OVGP1: variants seen among roughly 807,000 people sequenced by gnomAD.
OVGP1 encodes oviductal glycoprotein 1.
Under a neutral mutation model 48.2 loss-of-function variants are expected in OVGP1, and 26 were observed. The observed-to-expected ratio is 0.54, with a 90% CI of 0.40 to 0.75. The LOEUF (loss-of-function observed/expected upper bound fraction) is 0.75. OVGP1 is among the 30% of genes least tolerant of loss of function. The pLI is 0.00. For synonymous variants in OVGP1, 294 were observed against 305.7 expected, an observed-to-expected ratio of 0.96 and a Z score of 0.40; for missense variants, 791 against 820.6, an observed-to-expected ratio of 0.96 and a Z score of 0.44.
intron 8 of OVGP1, among the ~76,000 whole-genome samples, chr1:111,420,930 AT>A (rs1436785340): frequency 1.3e-5 from 2 of 152,098 alleles, no homozygotes; most frequent in African/African-American, 4.8e-5. Context: ...TATTCTTTTA[AT>A]TTTGCATATG....
At position 111,414,520 on chromosome 1, in the gene OVGP1, G is replaced by A. The variant is rs1240604332; in HGVS notation, c.1981C>T (p.Pro661Ser). The part of the protein sequence containing the change: ...SVNSVTPQTS[P>S]LSLKKEIPEN... ...GGGATTTCTTTTTTTAGAGAAAGAGGACTTGTTTGAGGGGTTACTGAGTTG... is the reference window on the plus strand; with the variant it reads ...GGGATTTCTTTTTTTAGAGAAAGAGAACTTGTTTGAGGGGTTACTGAGTTG... The change falls in exon 11 of 11, where the codon CCT becomes TCT. Residue 661 changes from proline to serine, a missense_variant. By Grantham distance (74) the Pro-to-Ser change is moderately conservative. Coordinates refer to ENST00000369732, the MANE Select transcript of OVGP1 (RefSeq NM_002557.4). 3.1e-6 allele frequency: 5 copies of A among 1,613,948 alleles called. No homozygotes were observed. Among genetic ancestry groups the A allele is most frequent in the Non-Finnish European group, 4.2e-6 (5 of 1,179,948 alleles).
chr1:111,427,341 T>C (rs780302604), intron 1 of OVGP1: 1 of 985,288 alleles, frequency 1.0e-6, no homozygotes, highest in African/African-American at 1.7e-5. Context: ...CCAGGGACAA[T>C]GACAAGTGTT....
At position 111,421,576 on chromosome 1, in the gene OVGP1, G is replaced by A. The variant is rs1421843738; in HGVS notation, c.706C>T (p.Pro236Ser). The change falls in exon 7 of 11, where the codon CCC (proline) becomes TCC (serine). Residue 236 changes from proline to serine, a missense_variant. Coordinates refer to ENST00000369732, the MANE Select transcript of OVGP1 (RefSeq NM_002557.4). ...TTTCCTTTCCTTACCGAAGATTTGG[G>A]GTCTTCAGGCAGAGAGAAGAGGGGG... is the stretch of plus-strand genomic sequence containing the variant. The part of the protein sequence containing the change: ...NSPLFSLPED[P>S]KSSAYAMNYW... 7 of 1,611,584 alleles carry A rather than the reference G, an allele frequency of 4.3e-6. No individual in the cohort carries two copies. The African/African-American group carries it at 5.3e-5, about 12-fold the overall frequency.
Position 111,415,242 on chromosome 1 carries a change from T to A in OVGP1, c.1259A>T (p.Asp420Val), listed in dbSNP as rs753391425. Reference sequence around the variant, plus strand: ...TCCTCCTGGGGGCAAAATCTTACTATCAGTGGTCCATGCCGTGGTCACAGC... The same window carrying A: ...TCCTCCTGGGGGCAAAATCTTACTAACAGTGGTCCATGCCGTGGTCACAGC... ...RLAVTTAWTTDSKILPPGGEA... is the reference protein window; with the variant it reads ...RLAVTTAWTTVSKILPPGGEA... Residue 420 changes from aspartate to valine, a missense_variant, in exon 11 of 11, where the codon GAT (aspartate) becomes GTT (valine). Physicochemically the swap from Asp to Val is radical, Grantham distance 152 (BLOSUM62 -3). Transcript: ENST00000369732. 9.3e-6 allele frequency: 15 copies of A among 1,614,096 alleles called. No individual in the cohort carries two copies. Among genetic ancestry groups the A allele is most frequent in the Non-Finnish European group, 7.6e-6 (9 of 1,180,044 alleles).
chr1:111,426,379 T>C, intron 3 of OVGP1, 58 bp downstream of exon 3: 1 of 1,610,916 alleles, frequency 6.2e-7, no homozygotes, highest in Non-Finnish European at 8.5e-7. Flanking sequence ...AGAAATAGAC[T>C]GTTATCTTAT....
At position 111,416,620 on chromosome 1, in the gene OVGP1, C is replaced by T. The variant is rs1652144015; in HGVS notation, c.1021-162G>A. ...TTTTACTGTTTATTAGCTATGGGAT[C>T]CTGAAGAAGTTATGTAACCCTTATG... On this transcript the variant is annotated intron_variant, in intron 9 of 10. Coordinates refer to ENST00000369732, the MANE Select transcript of OVGP1 (RefSeq NM_002557.4). The T allele has an allele frequency of 1.6e-5, 8 of 498,954 alleles. No homozygotes were observed. The East Asian group carries it at 2.6e-4, about 16-fold the overall frequency. The allele number at this position is 498,954 out of a possible 1,614,324, so 30.9% of individuals were successfully genotyped here.
chr1:111,417,261 T>G (rs780491485), intron 9 of OVGP1, among the ~76,000 whole-genome samples: 3 of 152,256 alleles, frequency 2.0e-5, no homozygotes, highest in Non-Finnish European at 2.9e-5. Flanking sequence ...CTCACCGTGA[T>G]GCTATAAAAT....
In OVGP1 at chr1:111,419,640, G is replaced by A; in HGVS notation, c.990C>T (p.Gly330=). 1 of 1,611,236 alleles carries A rather than the reference G, an allele frequency of 6.2e-7. No individual in the cohort carries two copies. Among genetic ancestry groups the A allele is most frequent in the Non-Finnish European group, 8.5e-7 (1 of 1,177,548 alleles). ...AACTGAAGCTGATGGCATTGTCATA[G>A]CCAACCCACTCTTTCCCCTTGTTGG... ...PYANKGKEWV[G]YDNAISFSYK... The change falls in exon 9 of 11, where the codon GGC becomes GGT. Residue 330 remains glycine (G), a synonymous_variant. Transcript: ENST00000369732.
In OVGP1 at chr1:111,427,206, T is replaced by C. The variant is rs1431239443; in HGVS notation, c.26-115A>G. ...CCACCAACACACCACCTTATGCAGATGCAGACACACAAATGGGGACACACA... is the reference window on the plus strand; with the variant it reads ...CCACCAACACACCACCTTATGCAGACGCAGACACACAAATGGGGACACACA... On this transcript the variant is annotated intron_variant, in intron 1 of 10. Coordinates refer to ENST00000369732, the MANE Select transcript of OVGP1 (RefSeq NM_002557.4). 4.5e-6 allele frequency: 7 copies of C among 1,560,142 alleles called. No homozygotes were observed. The African/African-American group carries it at 5.4e-5, about 12-fold the overall frequency.
In OVGP1 at chr1:111,427,698, A is replaced by T. The variant is rs779047677; in HGVS notation, c.24T>A (p.Val8=). Residue 8 remains valine (V), a splice_region_variant and synonymous_variant, in exon 1 of 11, where the codon GTT becomes GTA. Transcript: ENST00000369732. ...ACTGCTGGGACCTGCCACACTCACCAACCCACAGCAACAGCTTCCACATCT... is the reference window on the plus strand; with the variant it reads ...ACTGCTGGGACCTGCCACACTCACCTACCCACAGCAACAGCTTCCACATCT... MWKLLLW[V]GLVLVLKHHD... 1 of 1,613,136 alleles carries T rather than the reference A, an allele frequency of 6.2e-7. No homozygotes were observed. The highest frequency in any genetic ancestry group is 1.1e-5 in the South Asian group (1 of 91,030).
At chr1:111,423,821 G>A (rs1051937419) in intron 4 of OVGP1, 113 bp from the exon 5 acceptor site, 6 of 1,014,408 alleles carry the variant, frequency 5.9e-6, no homozygotes, top group Non-Finnish European at 8.8e-6. Flanking sequence ...GTGGCTGGAG[G>A]AAAGGAAGGC....
At position 111,414,730 on chromosome 1, in the gene OVGP1, G is replaced by T. The variant is rs1372460431; in HGVS notation, c.1771C>A (p.Pro591Thr). ...ISVTPEGQTM[P>T]LRGENLTSEV... ...GAAGTCAAATTCTCCCCTCTTAAAG[G>T]CATAGTCTGCCCTTCAGGGGTGACT... Residue 591 changes from proline to threonine, a missense_variant, in exon 11 of 11, where the codon CCT becomes ACT. Coordinates refer to ENST00000369732, the MANE Select transcript of OVGP1 (RefSeq NM_002557.4). 2 of 1,613,658 alleles carry T rather than the reference G, an allele frequency of 1.2e-6. No individual in the cohort carries two copies. Among genetic ancestry groups the T allele is most frequent in the Non-Finnish European group, 1.7e-6 (2 of 1,179,594 alleles).
intron 1 of OVGP1, 89 bp downstream of exon 1, chr1:111,427,608 C>T: frequency 6.8e-7 from 1 of 1,468,188 alleles, no homozygotes; most frequent in Non-Finnish European, 9.5e-7. Context: ...GAGTCTCAGG[C>T]TGCTCTCTCA....
Position 111,419,712 on chromosome 1 carries a change from G to A in OVGP1, c.918C>T (p.Val306=), listed in dbSNP as rs764565937. Residue 306 remains valine, a synonymous_variant, in exon 9 of 11, where the codon GTC becomes GTT. Coordinates refer to ENST00000369732, the MANE Select transcript of OVGP1 (RefSeq NM_002557.4). ...FLAYFEICSF[V]WGAKKHWIDY... The stretch of plus-strand genomic sequence containing the variant: ...CAATCCAGTGCTTCTTCGCTCCCCA[G>A]ACAAAGGAACAAATCTGCCAAGAGG... 1.2e-5 allele frequency: 20 copies of A among 1,611,090 alleles called. No individual in the cohort carries two copies. The South Asian group carries it at 2.2e-4, about 18-fold the overall frequency.
At chr1:111,418,961 T>G (rs1652197762) in intron 9 of OVGP1, among the ~76,000 whole-genome samples, 1 of 152,152 alleles carries the variant, frequency 6.6e-6, no homozygotes, top group Non-Finnish European at 1.5e-5. Context: ...AAATACCACT[T>G]ACATGAAGGG....
rs1264886 is a variant in OVGP1, at chr1:111,423,523, C to T, written c.483+20G>A. On this transcript the variant is annotated intron_variant, in intron 5 of 10. Transcript: ENST00000369732. ...AAGTAGAATCATTTCTGGATTCTGGCGCTTCTAGACCAGACTTACTTCAAT... is the reference window on the plus strand; with the variant it reads ...AAGTAGAATCATTTCTGGATTCTGGTGCTTCTAGACCAGACTTACTTCAAT... The T allele has an allele frequency of 1.8e-3, 2,900 of 1,609,860 alleles. 51 individuals are homozygous for T. In the African/African-American group the frequency reaches 0.033, roughly 18 times the overall value.
At chr1:111,423,179 A>G (rs1158026930) in intron 5 of OVGP1, 128 bp from the exon 6 acceptor site, 9 of 1,118,656 alleles carry the variant, frequency 8.0e-6, no homozygotes, top group Non-Finnish European at 1.0e-5. Context: ...TGAGTTGGAC[A>G]TGGGCCATGC....
chr1:111,414,846 A>T lies in OVGP1; in HGVS notation c.1655T>A (p.Phe552Tyr). The T allele has an allele frequency of 6.3e-7, 1 of 1,594,336 alleles. No homozygotes were observed. The highest frequency in any genetic ancestry group is 8.6e-7 in the Non-Finnish European group (1 of 1,166,690). ...PGGTTMTPVH[F>Y]QTETLRQNTV... ...ATTCTGTCTAAGGGTCTCAGTCTGA[A>T]AATGGACAGGGGTCATAGTCGTTCC... Residue 552 changes from phenylalanine (F) to tyrosine (Y), a missense_variant, in exon 11 of 11, where the codon TTT becomes TAT. By Grantham distance (22) the Phe-to-Tyr change is conservative. Coordinates refer to ENST00000369732, the MANE Select transcript of OVGP1 (RefSeq NM_002557.4).
chr1:111,420,311 C>T (rs79996747), intron 8 of OVGP1, among the ~76,000 whole-genome samples: 1,862 of 152,300 alleles, frequency 0.012, 32 homozygotes, highest in African/African-American at 0.042. Flanking sequence ...AATGTCTAAG[C>T]CATTCCTTTT....
Sources: allele counts gnomAD v4.1 joint callset (sites outside exome capture counted in the v4.1 genomes callset), GRCh38; gene constraint gnomAD v4.1.1; transcripts MANE v1.5; gene names NCBI Gene and HGNC (gene_info 2026-07-23, HGNC 2026-07-21).